LSAMP: variants seen among roughly 807,000 people sequenced by gnomAD.
The protein encoded by LSAMP is limbic system-associated membrane protein.
In LSAMP, 7 loss-of-function variants were observed where a neutral mutation model predicts 38.6. That is an observed-to-expected ratio of 0.18 (90% CI 0.10 to 0.34). LSAMP has a LOEUF of 0.34. Among genes scored for constraint, LSAMP ranks in the 10% least tolerant of loss-of-function variants. LSAMP has a pLI of 1.00. For missense variants in LSAMP, 313 were observed against 420.0 expected, an observed-to-expected ratio of 0.75 and a Z score of 2.23; for synonymous variants, 154 against 166.8, an observed-to-expected ratio of 0.92 and a Z score of 0.59.
intron 1 of LSAMP, among the ~76,000 whole-genome samples, chr3:116,187,926 C>G (rs1201814233): frequency 6.6e-6 from 1 of 151,966 alleles, no homozygotes; most frequent in African/African-American, 2.4e-5. Flanking sequence ...GTTATTTTTC[C>G]TGATCCCCTC....
intron 3 of LSAMP, among the ~76,000 whole-genome samples, chr3:115,985,013 G>T (rs574127987): frequency 2.7e-4 from 41 of 152,244 alleles, no homozygotes; most frequent in African/African-American, 9.9e-4. Context: ...GATTGTAAAG[G>T]GCCTTGTAAG....
At chr3:116,163,088 ATTATAC>A (rs1262762635) in intron 1 of LSAMP, among the ~76,000 whole-genome samples, 1 of 151,880 alleles carries the variant, frequency 6.6e-6, no homozygotes, top group Non-Finnish European at 1.5e-5. Flanking sequence ...TTTTATTATT[ATTATAC>A]TTTAAGTTTT....
chr3:115,959,705 G>GTAA (rs1938564417), intron 3 of LSAMP, among the ~76,000 whole-genome samples: 1 of 152,146 alleles, frequency 6.6e-6, no homozygotes, highest in African/African-American at 2.4e-5. Flanking sequence ...CCTAAATGAA[G>GTAA]TAATATATGG....
intron 1 of LSAMP, among the ~76,000 whole-genome samples, chr3:116,368,506 G>T (rs993735089): frequency 3.3e-5 from 5 of 152,150 alleles, no homozygotes; most frequent in African/African-American, 1.2e-4. Context: ...CAATTGAAAA[G>T]AAAATAATGT....
intron 1 of LSAMP, among the ~76,000 whole-genome samples, chr3:116,273,786 TA>T (rs2047010208): frequency 7.5e-6 from 1 of 133,810 alleles, no homozygotes; most frequent in Admixed American, 7.7e-5. Context: ...TAATTACAGA[TA>T]TATATATCTT....
At chr3:115,899,745 A>G (rs1279651846) in intron 3 of LSAMP, among the ~76,000 whole-genome samples, 1 of 152,172 alleles carries the variant, frequency 6.6e-6, no homozygotes, top group Non-Finnish European at 1.5e-5. Flanking sequence ...GTCAGCAACA[A>G]TCTAGATTCT....
chr3:116,167,026 C>T (rs979417950), intron 1 of LSAMP, among the ~76,000 whole-genome samples: 2 of 151,988 alleles, frequency 1.3e-5, no homozygotes, highest in Non-Finnish European at 2.9e-5. Context: ...CTCCTGACCT[C>T]GTGATCCGCC....
At chr3:115,839,050 C>T (rs1559844439) in intron 6 of LSAMP, among the ~76,000 whole-genome samples, 1 of 152,140 alleles carries the variant, frequency 6.6e-6, no homozygotes. Context: ...AGGGCCGTGG[C>T]CACAGACACC....
At chr3:116,178,447 C>T (rs924928604) in intron 1 of LSAMP, among the ~76,000 whole-genome samples, 6 of 152,146 alleles carry the variant, frequency 3.9e-5, no homozygotes, top group African/African-American at 7.2e-5. Flanking sequence ...GGATTACAGG[C>T]GTGAGCCACC....
At chr3:115,854,987 A>T (rs1230113623) in intron 3 of LSAMP, among the ~76,000 whole-genome samples, 1 of 152,204 alleles carries the variant, frequency 6.6e-6, no homozygotes, top group Non-Finnish European at 1.5e-5. Flanking sequence ...ATTTCTTCTC[A>T]TACTGCATAT....
intron 1 of LSAMP, among the ~76,000 whole-genome samples, chr3:116,336,560 A>C (rs1422174495): frequency 6.6e-6 from 1 of 152,108 alleles, no homozygotes; most frequent in South Asian, 2.1e-4. Flanking sequence ...ATACCCTCTC[A>C]CACCCATTGT....
chr3:116,305,948 T>TTA (rs200290529), intron 1 of LSAMP, among the ~76,000 whole-genome samples: 16 of 139,524 alleles, frequency 1.1e-4, no homozygotes, highest in African/African-American at 4.0e-4. Context: ...TTTTTTTTTT[T>TTA]ACTATATAAT....
At chr3:116,274,386 G>C (rs940840400) in intron 1 of LSAMP, among the ~76,000 whole-genome samples, 2 of 152,082 alleles carry the variant, frequency 1.3e-5, no homozygotes, top group African/African-American at 4.8e-5. Flanking sequence ...TCATAAAACT[G>C]TTCATTTTCT....
At chr3:116,130,926 T>C (rs1709113262) in intron 1 of LSAMP, among the ~76,000 whole-genome samples, 1 of 151,990 alleles carries the variant, frequency 6.6e-6, no homozygotes, top group Non-Finnish European at 1.5e-5. Context: ...GTGTATGTTG[T>C]TCTTTAGTCA....
intron 1 of LSAMP, among the ~76,000 whole-genome samples, chr3:116,172,523 T>C (rs1369193226): frequency 1.3e-5 from 2 of 151,996 alleles, no homozygotes; most frequent in Admixed American, 1.3e-4. Context: ...TGATAGAGCA[T>C]AAAAAATGCA....
chr3:116,228,436 C>A (rs186666036), intron 1 of LSAMP, among the ~76,000 whole-genome samples: 88 of 152,010 alleles, frequency 5.8e-4, no homozygotes, highest in Middle Eastern at 3.4e-3. Context: ...ATCATGTCAA[C>A]CTTAGACAAA....
chr3:116,283,775 G>T (rs1400197162), intron 1 of LSAMP, among the ~76,000 whole-genome samples: 1 of 152,126 alleles, frequency 6.6e-6, no homozygotes, highest in Non-Finnish European at 1.5e-5. Flanking sequence ...GTCCTCCTTA[G>T]TTTTTATTTT....
chr3:116,314,564 G>A (rs991006746), intron 1 of LSAMP, among the ~76,000 whole-genome samples: 2 of 152,166 alleles, frequency 1.3e-5, no homozygotes, highest in African/African-American at 4.8e-5. Context: ...TGAATGAAAG[G>A]AAAATAAAAT....
chr3:116,240,671 C>T (rs983877521), intron 1 of LSAMP, among the ~76,000 whole-genome samples: 2 of 152,150 alleles, frequency 1.3e-5, no homozygotes, highest in African/African-American at 4.8e-5. Flanking sequence ...ACCTCATGTC[C>T]ATGGACTGTT....
Sources: allele counts gnomAD v4.1 joint callset (sites outside exome capture counted in the v4.1 genomes callset), GRCh38; gene constraint gnomAD v4.1.1; transcripts MANE v1.5; gene names NCBI Gene and HGNC (gene_info 2026-07-23, HGNC 2026-07-21).